MRTFA: variants seen among roughly 807,000 people sequenced by gnomAD.
The protein encoded by MRTFA is myocardin-related transcription factor A.
Under a neutral mutation model 83.5 loss-of-function variants are expected in MRTFA, and 20 were observed. The observed-to-expected ratio is 0.24, with a 90% CI of 0.17 to 0.35. The LOEUF (loss-of-function observed/expected upper bound fraction) is 0.35. Ranked by LOEUF, MRTFA falls within the 10% of genes least tolerant of loss-of-function variation. The pLI, the probability that MRTFA is intolerant of heterozygous loss-of-function variation, is 1.00. For synonymous variants in MRTFA, 659 were observed against 541.2 expected (o/e 1.22, Z -3.02); for missense variants, 1,200 against 1,224.7 (o/e 0.98, Z 0.30).
intron 1 of MRTFA, among the ~76,000 whole-genome samples, chr22:40,604,481 G>A (rs2056296526): frequency 6.6e-6 from 1 of 151,826 alleles, no homozygotes; most frequent in Admixed American, 6.6e-5. Context: ...AAGCGCGGTG[G>A]CTCATGCCTG....
At chr22:40,536,348 G>A (rs2055173914) in intron 3 of MRTFA, among the ~76,000 whole-genome samples, 1 of 150,928 alleles carries the variant, frequency 6.6e-6, no homozygotes, top group African/African-American at 2.4e-5. Flanking sequence ...CGACCGCCGG[G>A]AGGATGGAGT....
intron 1 of MRTFA, among the ~76,000 whole-genome samples, chr22:40,596,746 A>G (rs1436779241): frequency 6.6e-6 from 1 of 152,170 alleles, no homozygotes; most frequent in African/African-American, 2.4e-5. Flanking sequence ...CAGAAGCTGC[A>G]GTGAGCCAAG....
rs1245503716 is a variant in MRTFA at position 40,416,141 on chromosome 22, A to AC, written c.2578+844dup. ...CCCACACGTGCCCCCTCCCCAGCTC[A>AC]CCCCATCAATGGCCACTCCACCCTG... On this transcript the variant is annotated intron_variant, in intron 14 of 14. Coordinates refer to ENST00000355630, the MANE Select transcript of MRTFA (RefSeq NM_020831.6). The surrounding 1 kb of genome is among the most constrained non-coding windows in gnomAD (Gnocchi z 4.2). Among the ~76,000 whole-genome samples, 1 of 151,488 alleles carries AC rather than the reference A, an allele frequency of 6.6e-6. No homozygotes were observed. The highest frequency in any genetic ancestry group is 1.5e-5 in the Non-Finnish European group (1 of 67,840).
intron 14 of MRTFA, among the ~76,000 whole-genome samples, chr22:40,413,304 C>T (rs143753629): frequency 2.0e-5 from 3 of 150,820 alleles, no homozygotes; most frequent in African/African-American, 7.3e-5. Context: ...CAAAAAACAA[C>T]AACAAAAAAA....
At chr22:40,568,635 C>T (rs1045698396) in intron 2 of MRTFA, among the ~76,000 whole-genome samples, 2 of 152,168 alleles carry the variant, frequency 1.3e-5, no homozygotes, top group Admixed American at 1.3e-4. Context: ...AGCTTTAAAA[C>T]AATGAGGGAA....
At chr22:40,554,197 C>T (rs1386549110) in intron 2 of MRTFA, among the ~76,000 whole-genome samples, 1 of 152,178 alleles carries the variant, frequency 6.6e-6, no homozygotes, top group Non-Finnish European at 1.5e-5. Flanking sequence ...TGGACTTGGA[C>T]TTCTGGGTTA....
intron 1 of MRTFA, among the ~76,000 whole-genome samples, chr22:40,630,145 C>T (rs78229036): frequency 1.3e-5 from 2 of 151,558 alleles, no homozygotes; most frequent in African/African-American, 2.4e-5. Flanking sequence ...TGAAACCCTG[C>T]CTCTACTAAA....
chr22:40,430,965 T>C (rs552775873), intron 6 of MRTFA, among the ~76,000 whole-genome samples: 203 of 150,936 alleles, frequency 1.3e-3, no homozygotes, highest in Middle Eastern at 7.0e-3. Context: ...TGGAGCACGG[T>C]ATATCACAGA....
At chr22:40,514,929 G>C (rs1395795407) in intron 3 of MRTFA, among the ~76,000 whole-genome samples, 3 of 139,106 alleles carry the variant, frequency 2.2e-5, no homozygotes, top group South Asian at 2.3e-4. Flanking sequence ...TTTTTTTTGA[G>C]ACAGAGTCTC....
chr22:40,417,064 A>C lies in MRTFA; in HGVS notation c.2518-18T>G, dbSNP rs1569248721. On this transcript the variant is annotated intron_variant, in intron 13 of 14. Coordinates refer to ENST00000355630, the MANE Select transcript of MRTFA (RefSeq NM_020831.6). ...CCATTTTCCTGTGGGACAAAGGAAA[A>C]AAAAAAAAGAGATAAAAATCTTGAA... 1.9e-6 allele frequency: 3 copies of C among 1,568,236 alleles called. No individual in the cohort carries two copies. Among genetic ancestry groups the C allele is most frequent in the Non-Finnish European group, 2.6e-6 (3 of 1,156,572 alleles).
chr22:40,460,037 G>C (rs1185460104), intron 4 of MRTFA, among the ~76,000 whole-genome samples: 4 of 151,544 alleles, frequency 2.6e-5, no homozygotes, highest in African/African-American at 9.7e-5. Context: ...CCGCCTCCCA[G>C]GTTCAAGCAA....
intron 4 of MRTFA, among the ~76,000 whole-genome samples, chr22:40,436,020 T>C (rs1313439622): frequency 1.3e-5 from 2 of 151,920 alleles, no homozygotes; most frequent in Non-Finnish European, 2.9e-5. Context: ...TGAGTAAGCA[T>C]GTATCTTTAT....
chr22:40,534,777 G>C (rs1479245781), intron 3 of MRTFA, among the ~76,000 whole-genome samples: 1 of 152,220 alleles, frequency 6.6e-6, no homozygotes, highest in Non-Finnish European at 1.5e-5. Flanking sequence ...TGTTTGGTGT[G>C]TTTATCTAGA....
At chr22:40,534,411 A>T (rs1476333911) in intron 3 of MRTFA, among the ~76,000 whole-genome samples, 1 of 152,182 alleles carries the variant, frequency 6.6e-6, no homozygotes, top group Non-Finnish European at 1.5e-5. Context: ...TATTAGACAT[A>T]CGGTCTGTGA....
At chr22:40,512,472 C>T (rs749890066) in intron 3 of MRTFA, among the ~76,000 whole-genome samples, 2 of 152,120 alleles carry the variant, frequency 1.3e-5, no homozygotes, top group Non-Finnish European at 2.9e-5. Context: ...ACTCAGGGTA[C>T]CTTGGTTACT....
intron 1 of MRTFA, among the ~76,000 whole-genome samples, chr22:40,619,968 T>A (rs1485705498): frequency 6.6e-6 from 1 of 151,562 alleles, no homozygotes; most frequent in African/African-American, 2.4e-5. Context: ...AAAAGATTTA[T>A]TTATTTTTGG....
chr22:40,560,208 G>T (rs1353622282), intron 2 of MRTFA, among the ~76,000 whole-genome samples: 1 of 152,138 alleles, frequency 6.6e-6, no homozygotes, highest in Non-Finnish European at 1.5e-5. Flanking sequence ...TAGGTATTTA[G>T]AAATTCATTA....
At chr22:40,584,161 C>T (rs774513587) in intron 2 of MRTFA, among the ~76,000 whole-genome samples, 26 of 152,126 alleles carry the variant, frequency 1.7e-4, no homozygotes, top group Admixed American at 3.9e-4. Context: ...GGTCTCAAAA[C>T]CTTGTCAAAA....
chr22:40,615,809 C>G (rs947882992), intron 1 of MRTFA, among the ~76,000 whole-genome samples: 1 of 151,968 alleles, frequency 6.6e-6, no homozygotes, highest in African/African-American at 2.4e-5. Context: ...CTCAGCCTCC[C>G]GAGTAGCTGG....
Sources: allele counts gnomAD v4.1 joint callset (sites outside exome capture counted in the v4.1 genomes callset), GRCh38; gene constraint gnomAD v4.1.1; non-coding constraint Gnocchi (gnomAD v3.1); transcripts MANE v1.5; gene names NCBI Gene and HGNC (gene_info 2026-07-23, HGNC 2026-07-21).